The following LRP1B variants were observed in gnomAD, a reference collection of about 807,000 sequenced individuals.
LRP1B encodes low-density lipoprotein receptor-related protein 1B.
A neutral mutation model predicts 556.6 loss-of-function variants in LRP1B; 217 were observed. The ratio of observed to expected loss-of-function variants is 0.39; its 90% confidence interval spans 0.35 to 0.44. LRP1B has a LOEUF of 0.44. Among genes scored for constraint, LRP1B ranks in the 20% least tolerant of loss-of-function variants. The probability of loss-of-function intolerance (pLI) is 1.00; values close to 1 mark genes in which losing one functional copy is unlikely to be tolerated. For synonymous variants in LRP1B, 2,047 were observed against 1,865.8 expected (o/e 1.10, Z -2.50); for missense variants, 5,053 against 5,620.8 (o/e 0.90, Z 3.23).
chr2:141,012,773 G>A (rs1697793028), intron 14 of LRP1B, among the ~76,000 whole-genome samples: 3 of 151,794 alleles, frequency 2.0e-5, no homozygotes, highest in East Asian at 1.9e-4. Flanking sequence ...ATTTCCAATC[G>A]ATAGCATACG....
In LRP1B at chr2:142,023,910, T is replaced by G. The variant is rs1464236939; in HGVS notation, c.82+106738A>C. Among the ~76,000 whole-genome samples the G allele has an allele frequency of 3.3e-5, 5 of 152,338 alleles. No homozygotes were observed. In the East Asian group the frequency reaches 7.7e-4, roughly 24 times the overall value. On this transcript the variant is annotated intron_variant, in intron 1 of 90. Coordinates refer to ENST00000389484, the MANE Select transcript of LRP1B (RefSeq NM_018557.3). ...CTTTTCCCTCTAGTTTTGCTTTTAA[T>G]TTATATAATACTACTACTTATTTTC...
chr2:140,325,826 G>T lies in LRP1B; in HGVS notation c.12276C>A (p.Leu4092=). The T allele has an allele frequency of 1.2e-6, 2 of 1,613,188 alleles. No homozygotes were observed. The highest frequency in any genetic ancestry group is 1.7e-6 in the Non-Finnish European group (2 of 1,179,566). The change falls in exon 80 of 91, where the codon CTC becomes CTA. Residue 4092 remains leucine, a synonymous_variant. Coordinates refer to ENST00000389484, the MANE Select transcript of LRP1B (RefSeq NM_018557.3). The part of the protein sequence containing the change: ...SERIYWADFE[L]SIIGSVLYDG... The stretch of plus-strand genomic sequence containing the variant: ...CATACAGAACACTGCCAATGATGGA[G>T]AGCTCAAAGTCAGCCCAATATATGC...
intron 3 of LRP1B, among the ~76,000 whole-genome samples, chr2:141,265,058 C>A (rs1463766192): frequency 1.3e-5 from 2 of 152,146 alleles, no homozygotes; most frequent in African/African-American, 4.8e-5. Context: ...GGGCACCGAG[C>A]CCTTCCCGGA....
At chr2:140,939,222 T>A (rs1695321727) in intron 20 of LRP1B, among the ~76,000 whole-genome samples, 1 of 152,036 alleles carries the variant, frequency 6.6e-6, no homozygotes, top group South Asian at 2.1e-4. Context: ...CATGCTTAAC[T>A]GTAAAAGTAC....
chr2:141,060,935 A>G (rs78685423), intron 8 of LRP1B, among the ~76,000 whole-genome samples: 1 of 151,854 alleles, frequency 6.6e-6, no homozygotes, highest in East Asian at 1.9e-4. Flanking sequence ...GGAAAAAAGA[A>G]TAAACACTTC....
intron 1 of LRP1B, among the ~76,000 whole-genome samples, chr2:142,096,519 T>C (rs565422153): frequency 6.6e-6 from 1 of 151,486 alleles, no homozygotes; most frequent in South Asian, 2.1e-4. Flanking sequence ...GGTGAATCTA[T>C]TTGTTCCACT....
intron 1 of LRP1B, among the ~76,000 whole-genome samples, chr2:141,870,227 A>G (rs1022442282): frequency 6.6e-6 from 1 of 151,910 alleles, no homozygotes; most frequent in African/African-American, 2.4e-5. Flanking sequence ...TTACTTTTTC[A>G]AAATGACTCT....
At chr2:141,515,317 A>AAG (rs1559115253) in intron 2 of LRP1B, among the ~76,000 whole-genome samples, 3 of 150,084 alleles carry the variant, frequency 2.0e-5, no homozygotes, top group Non-Finnish European at 4.4e-5. Flanking sequence ...AAAAAAAAAA[A>AAG]GAAGTATCCC....
chr2:141,022,294 T>TC (rs1698087593), intron 11 of LRP1B, among the ~76,000 whole-genome samples: 1 of 151,662 alleles, frequency 6.6e-6, no homozygotes, highest in Non-Finnish European at 1.5e-5. Context: ...GCTTTGATTT[T>TC]TTTTTCTGTT....
intron 18 of LRP1B, among the ~76,000 whole-genome samples, chr2:140,966,982 C>A (rs546199854): frequency 6.6e-6 from 1 of 152,088 alleles, no homozygotes; most frequent in Admixed American, 6.6e-5. Flanking sequence ...AGAGTGATGC[C>A]TCCAGCTTTG....
intron 2 of LRP1B, among the ~76,000 whole-genome samples, chr2:141,734,481 TGA>T (rs1449332584): frequency 3.3e-5 from 5 of 151,756 alleles, no homozygotes; most frequent in Non-Finnish European, 7.4e-5. Context: ...AGAGAGAGAA[TGA>T]GAGAGTGAGA....
At chr2:141,152,157 C>T (rs1474605601) in intron 7 of LRP1B, among the ~76,000 whole-genome samples, 1 of 151,570 alleles carries the variant, frequency 6.6e-6, no homozygotes, top group Non-Finnish European at 1.5e-5. Flanking sequence ...GGAGGAGAAG[C>T]CTGGATTAAT....
At chr2:141,701,518 G>A (rs1011161556) in intron 2 of LRP1B, among the ~76,000 whole-genome samples, 2 of 151,648 alleles carry the variant, frequency 1.3e-5, no homozygotes, top group Non-Finnish European at 2.9e-5. Flanking sequence ...ACATCTTGAC[G>A]CCATTACTTA....
intron 68 of LRP1B, among the ~76,000 whole-genome samples, chr2:140,376,163 A>T (rs1683220568): frequency 6.6e-6 from 1 of 152,180 alleles, no homozygotes; most frequent in African/African-American, 2.4e-5. Context: ...GAGCCTTATC[A>T]TGAAAATGTC....
At chr2:140,235,883 T>C (rs1165388336) in intron 89 of LRP1B, among the ~76,000 whole-genome samples, 1 of 151,088 alleles carries the variant, frequency 6.6e-6, no homozygotes, top group Non-Finnish European at 1.5e-5. Context: ...GAATACTATA[T>C]TTTTATTCCT....
At position 141,848,806 on chromosome 2, in the gene LRP1B, G is replaced by A. The variant is rs545232996; in HGVS notation, c.83-38405C>T. Reference sequence around the variant, plus strand: ...GATTTAAAAAACAAGAGGAAATAACGGAACAAAATTAAACATCAGAAGGGC... The same window carrying A: ...GATTTAAAAAACAAGAGGAAATAACAGAACAAAATTAAACATCAGAAGGGC... On this transcript the variant is annotated intron_variant, in intron 1 of 90. Transcript: ENST00000389484. Among the ~76,000 whole-genome samples, 28 of 151,424 alleles carry A rather than the reference G, an allele frequency of 1.8e-4. 1 individual carries two copies. In the South Asian group the frequency reaches 5.8e-3, roughly 31 times the overall value.
At chr2:141,021,334 G>T (rs977439776) in intron 11 of LRP1B, among the ~76,000 whole-genome samples, 6 of 151,952 alleles carry the variant, frequency 3.9e-5, no homozygotes, top group Admixed American at 2.0e-4. Context: ...GATTCAGAAT[G>T]ACTGGTACAA....
At chr2:141,209,696 G>A (rs1682458723) in intron 6 of LRP1B, among the ~76,000 whole-genome samples, 1 of 152,118 alleles carries the variant, frequency 6.6e-6, no homozygotes, top group African/African-American at 2.4e-5. Flanking sequence ...AGGAACACAA[G>A]GAAATGGCAG....
At chr2:141,316,159 T>A (rs909063537) in intron 3 of LRP1B, among the ~76,000 whole-genome samples, 3 of 152,064 alleles carry the variant, frequency 2.0e-5, no homozygotes, top group African/African-American at 7.2e-5. Flanking sequence ...TTGACATGAA[T>A]CTTCTCCTGT....
Sources: allele counts gnomAD v4.1 joint callset (sites outside exome capture counted in the v4.1 genomes callset), GRCh38; gene constraint gnomAD v4.1.1; transcripts MANE v1.5; gene names NCBI Gene and HGNC (gene_info 2026-07-23, HGNC 2026-07-21).